KCNQ3: variants seen among roughly 807,000 people sequenced by gnomAD.
KCNQ3 encodes the protein potassium voltage-gated channel subfamily Q member 3, also known as potassium voltage-gated channel subfamily KQT member 3.
In KCNQ3, 30 loss-of-function variants were observed where a neutral mutation model predicts 92.5. The ratio of observed to expected loss-of-function variants is 0.32; its 90% CI spans 0.24 to 0.44. KCNQ3 has a LOEUF of 0.44. KCNQ3 is among the 20% of genes least tolerant of loss of function. KCNQ3 has a pLI of 1.00. For synonymous variants in KCNQ3, 450 were observed against 468.8 expected, an observed-to-expected ratio of 0.96 and a Z score of 0.52; for missense variants, 913 against 1,140.3, an observed-to-expected ratio of 0.80 and a Z score of 2.87.
Position 132,184,379 on chromosome 8 carries a change from A to G in KCNQ3, c.478-12T>C, listed in dbSNP as rs1488706798. 2 of 1,613,846 alleles carry G rather than the reference A, an allele frequency of 1.2e-6. No individual in the cohort carries two copies. Among genetic ancestry groups the G allele is most frequent in the Admixed American group, 3.3e-5 (2 of 60,016 alleles). On this transcript the variant is annotated splice_polypyrimidine_tract_variant and intron_variant, in intron 2 of 14. Transcript: ENST00000388996. ...ATAGCAAATGTCTCCTGCATGGAAG[A>G]GCATATGGAGAGGCACTGATTAACC...
At chr8:132,421,369 G>C (rs1482947549) in intron 1 of KCNQ3, among the ~76,000 whole-genome samples, 1 of 152,194 alleles carries the variant, frequency 6.6e-6, no homozygotes, top group African/African-American at 2.4e-5. Flanking sequence ...AGAAGCCAAC[G>C]CTGGGAAATG....
At chr8:132,199,176 T>C (rs1827386277) in intron 1 of KCNQ3, among the ~76,000 whole-genome samples, 1 of 152,096 alleles carries the variant, frequency 6.6e-6, no homozygotes, top group African/African-American at 2.4e-5. Flanking sequence ...CAGGTGACGA[T>C]CTTGCAAGAA....
chr8:132,251,400 C>G (rs1049313511), intron 1 of KCNQ3, among the ~76,000 whole-genome samples: 1 of 152,152 alleles, frequency 6.6e-6, no homozygotes, highest in East Asian at 1.9e-4. Flanking sequence ...AGGATGACCC[C>G]GTTGAAGATG....
intron 1 of KCNQ3, among the ~76,000 whole-genome samples, chr8:132,186,956 CAGAGAG>C (rs1160355665): frequency 4.0e-4 from 38 of 94,224 alleles, no homozygotes; most frequent in Non-Finnish European, 5.0e-4. Flanking sequence ...GAGAGAGAGA[CAGAGAG>C]AGAGAGAGAG....
At chr8:132,358,587 AAAT>A (rs1819078458) in intron 1 of KCNQ3, among the ~76,000 whole-genome samples, 3 of 152,296 alleles carry the variant, frequency 2.0e-5, no homozygotes, top group Middle Eastern at 3.4e-3. Context: ...TTCAGAAAAA[AAAT>A]AATATCCCAG....
At chr8:132,229,700 C>T (rs1814566627) in intron 1 of KCNQ3, among the ~76,000 whole-genome samples, 1 of 151,822 alleles carries the variant, frequency 6.6e-6, no homozygotes, top group Non-Finnish European at 1.5e-5. Context: ...AGCAGGGGAC[C>T]AGAGACAAGC....
chr8:132,184,385 T>G lies in KCNQ3; in HGVS notation c.478-18A>C, dbSNP rs760842586. On this transcript the variant is annotated intron_variant, in intron 2 of 14. Coordinates refer to ENST00000388996, the MANE Select transcript of KCNQ3 (RefSeq NM_004519.4). ...AATGTCTCCTGCATGGAAGAGCATA[T>G]GGAGAGGCACTGATTAACCGAGATC... 5 of 1,613,594 alleles carry G rather than the reference T, an allele frequency of 3.1e-6. No homozygotes were observed. The highest frequency in any genetic ancestry group is 4.2e-6 in the Non-Finnish European group (5 of 1,179,848).
At chr8:132,236,205 G>A (rs1178605625) in intron 1 of KCNQ3, among the ~76,000 whole-genome samples, 1 of 152,192 alleles carries the variant, frequency 6.6e-6, no homozygotes, top group African/African-American at 2.4e-5. Context: ...CCAGTTATGG[G>A]ATCCAAATTG....
At chr8:132,413,193 C>T (rs1820698277) in intron 1 of KCNQ3, among the ~76,000 whole-genome samples, 1 of 152,234 alleles carries the variant, frequency 6.6e-6, no homozygotes, top group Non-Finnish European at 1.5e-5. Context: ...CCCCTTCTAC[C>T]CAACACCTTC....
chr8:132,256,642 A>T (rs1199577907), intron 1 of KCNQ3, among the ~76,000 whole-genome samples: 1 of 152,230 alleles, frequency 6.6e-6, no homozygotes, highest in African/African-American at 2.4e-5. Flanking sequence ...CCTCAATAAG[A>T]TTAACAGTTG....
At chr8:132,214,640 G>A (rs780147652) in intron 1 of KCNQ3, among the ~76,000 whole-genome samples, 4 of 151,976 alleles carry the variant, frequency 2.6e-5, no homozygotes, top group African/African-American at 7.3e-5. Context: ...TTTTCAAAGC[G>A]TCTTCATCTT....
chr8:132,428,585 A>G (rs941006305), intron 1 of KCNQ3, among the ~76,000 whole-genome samples: 1 of 152,172 alleles, frequency 6.6e-6, no homozygotes, highest in Non-Finnish European at 1.5e-5. Context: ...ACCCTTCACT[A>G]CAAATGGTGA....
intron 2 of KCNQ3, 122 bp from the exon 3 acceptor site, chr8:132,184,489 C>T (rs1323698601): frequency 4.5e-6 from 5 of 1,105,762 alleles, no homozygotes; most frequent in Non-Finnish European, 5.3e-6. Flanking sequence ...GTCTGGTTGG[C>T]AGGGATGGCT....
chr8:132,363,815 T>C (rs1819239280), intron 1 of KCNQ3, among the ~76,000 whole-genome samples: 1 of 151,408 alleles, frequency 6.6e-6, no homozygotes, highest in South Asian at 2.1e-4. Flanking sequence ...ACTTTCTTTC[T>C]CTCTTTCATA....
At chr8:132,357,778 C>G (rs1287255935) in intron 1 of KCNQ3, among the ~76,000 whole-genome samples, 1 of 152,194 alleles carries the variant, frequency 6.6e-6, no homozygotes, top group Non-Finnish European at 1.5e-5. Context: ...AAACCCTTCT[C>G]CATGGGATCC....
chr8:132,323,114 T>A (rs1817942162), intron 1 of KCNQ3, among the ~76,000 whole-genome samples: 1 of 152,146 alleles, frequency 6.6e-6, no homozygotes, highest in Admixed American at 6.5e-5. Context: ...GCAGTTCACA[T>A]TTTTAGGAGA....
chr8:132,279,389 A>G (rs1412854095), intron 1 of KCNQ3, among the ~76,000 whole-genome samples: 3 of 152,286 alleles, frequency 2.0e-5, no homozygotes, highest in Non-Finnish European at 2.9e-5. Context: ...TAGCTCTGCT[A>G]AACAACACAT....
chr8:132,312,413 A>C (rs1191724053), intron 1 of KCNQ3, among the ~76,000 whole-genome samples: 2 of 152,080 alleles, frequency 1.3e-5, no homozygotes, highest in Non-Finnish European at 2.9e-5. Flanking sequence ...GCTATGACAG[A>C]CTATGTCTGG....
At chr8:132,379,503 C>T (rs1819689902) in intron 1 of KCNQ3, among the ~76,000 whole-genome samples, 2 of 152,172 alleles carry the variant, frequency 1.3e-5, no homozygotes, top group Non-Finnish European at 2.9e-5. Flanking sequence ...ACATGCACAG[C>T]TACCCTCCCA....
Sources: gnomAD v4.1 joint callset for allele counts (sites outside exome capture counted in the v4.1 genomes callset) on GRCh38, gnomAD v4.1.1 for gene constraint, MANE v1.5 for transcripts, NCBI Gene and HGNC (gene_info 2026-07-23, HGNC 2026-07-21) for gene names.